COLEC12: variants seen among roughly 807,000 people sequenced by gnomAD.
COLEC12 encodes the protein collectin-12.
In COLEC12, 33 loss-of-function variants were observed where a neutral mutation model predicts 71.1. The observed-to-expected ratio is 0.46, with a 90% CI of 0.35 to 0.62. The LOEUF (loss-of-function observed/expected upper bound fraction) is 0.62. COLEC12 is among the 20% of genes least tolerant of loss of function. The pLI is 0.00. For synonymous variants in COLEC12, 350 were observed against 353.0 expected (o/e 0.99, Z 0.10); for missense variants, 765 against 916.1 (o/e 0.84, Z 2.13).
At chr18:454,131 G>A (rs940295821) in intron 2 of COLEC12, among the ~76,000 whole-genome samples, 14 of 149,832 alleles carry the variant, frequency 9.3e-5, no homozygotes, top group African/African-American at 3.5e-4. Context: ...CTCCCCATGG[G>A]CCCCCTGGTC....
At chr18:474,873 G>C (rs1224680159) in intron 2 of COLEC12, among the ~76,000 whole-genome samples, 2 of 152,050 alleles carry the variant, frequency 1.3e-5, no homozygotes, top group Admixed American at 6.5e-5. Context: ...AGGAGTTCAA[G>C]ACCAGCCTGG....
At chr18:343,036 C>G (rs1480864836) in intron 5 of COLEC12, among the ~76,000 whole-genome samples, 4 of 152,192 alleles carry the variant, frequency 2.6e-5, no homozygotes, top group Non-Finnish European at 5.9e-5. Context: ...CATCCTGTTC[C>G]TCTCTTTCAC....
intron 2 of COLEC12, among the ~76,000 whole-genome samples, chr18:430,226 C>T (rs540071389): frequency 2.0e-5 from 3 of 151,622 alleles, no homozygotes; most frequent in African/African-American, 7.3e-5. Context: ...CCCAGCTACT[C>T]GGGAGGCTGA....
intron 2 of COLEC12, among the ~76,000 whole-genome samples, chr18:391,402 A>G (rs55711819): frequency 2.0e-5 from 3 of 152,122 alleles, no homozygotes; most frequent in African/African-American, 4.8e-5. Flanking sequence ...TAATTGCATC[A>G]AAGTGTCTCA....
chr18:377,825 A>T (rs917797853), intron 2 of COLEC12, among the ~76,000 whole-genome samples: 1 of 151,230 alleles, frequency 6.6e-6, no homozygotes, highest in Non-Finnish European at 1.5e-5. Flanking sequence ...GGACACCACC[A>T]GCTGGGTGCT....
intron 3 of COLEC12, among the ~76,000 whole-genome samples, chr18:355,566 C>T (rs1355360643): frequency 6.6e-6 from 1 of 152,160 alleles, no homozygotes; most frequent in Non-Finnish European, 1.5e-5. Flanking sequence ...GCATAAATGT[C>T]CCAGACTTTA....
Position 472,742 on chromosome 18 carries a change from G to A in COLEC12, c.58+7965C>T, listed in dbSNP as rs780977833. ...GAAAACAACAGAAGAAAAGAAAATA[G>A]ACTCCTTTGGAATTCCCTGAACAAA... On this transcript the variant is annotated intron_variant, in intron 2 of 9. Transcript: ENST00000400256. Among the ~76,000 whole-genome samples, 47 of 141,330 alleles carry A rather than the reference G, an allele frequency of 3.3e-4. 1 individual carries two copies. Among genetic ancestry groups the A allele is most frequent in the Non-Finnish European group, 6.5e-4 (42 of 64,762 alleles). The allele number at this position is 141,330 out of a possible 152,430, so 92.7% of individuals were successfully genotyped here. A position where few individuals can be genotyped will look rare whatever the true frequency, so the allele number is the denominator to read the frequency against.
intron 2 of COLEC12, among the ~76,000 whole-genome samples, chr18:479,587 C>A (rs372098052): frequency 6.6e-6 from 1 of 152,190 alleles, no homozygotes; most frequent in East Asian, 1.9e-4. Context: ...CACTCACTCA[C>A]ACACACTCTT....
rs1914094979 is a variant in COLEC12, at chr18:335,346, C to T, written c.1328-116G>A. 1.4e-5 allele frequency: 16 copies of T among 1,127,048 alleles called. 1 individual carries two copies. The highest frequency in any genetic ancestry group is 2.5e-4 in the Middle Eastern group (1 of 3,922). 69.8% of individuals were successfully genotyped at this position (1,127,048 alleles called of 1,614,324 possible). ...AAAAACCTAGCATACAAAGTATATA[C>T]AGCAGGGAAAGACCATCTGTTTATC... On this transcript the variant is annotated intron_variant, in intron 5 of 9. Transcript: ENST00000400256.
chr18:444,171 G>T (rs1191053576), intron 2 of COLEC12, among the ~76,000 whole-genome samples: 2 of 152,076 alleles, frequency 1.3e-5, no homozygotes, highest in African/African-American at 4.8e-5. Context: ...AACCTCATCA[G>T]AAACAAGTAT....
chr18:413,027 T>TA (rs1313141269), intron 2 of COLEC12, among the ~76,000 whole-genome samples: 1 of 152,214 alleles, frequency 6.6e-6, no homozygotes, highest in Non-Finnish European at 1.5e-5. Flanking sequence ...ATTAAAAACA[T>TA]ATGACTCAAT....
intron 2 of COLEC12, among the ~76,000 whole-genome samples, chr18:452,064 A>T (rs1374342498): frequency 6.6e-6 from 1 of 152,228 alleles, no homozygotes; most frequent in Non-Finnish European, 1.5e-5. Flanking sequence ...CTTGCTCGAG[A>T]AAAAGAATAG....
chr18:480,221 G>T lies in COLEC12; in HGVS notation c.58+486C>A, dbSNP rs2143770790. On this transcript the variant is annotated intron_variant, in intron 2 of 9. Coordinates refer to ENST00000400256, the MANE Select transcript of COLEC12 (RefSeq NM_130386.3). The surrounding 1 kb of genome is among the most constrained non-coding windows in gnomAD (Gnocchi z 4.1). ...GTAACATTCAGGTTTCAGGATTCAG[G>T]GTGCTGTCACCTTTGGGGGCCATTC... Among the ~76,000 whole-genome samples the T allele has an allele frequency of 6.6e-6, 1 of 152,244 alleles. No individual in the cohort carries two copies. Among genetic ancestry groups the T allele is most frequent in the African/African-American group, 2.4e-5 (1 of 41,536 alleles).
chr18:456,398 T>G (rs1486492019), intron 2 of COLEC12, among the ~76,000 whole-genome samples: 1 of 152,126 alleles, frequency 6.6e-6, no homozygotes. Context: ...GTGAGCAACT[T>G]GTACTCATAA....
intron 1 of COLEC12, among the ~76,000 whole-genome samples, chr18:487,908 A>T (rs1917549688): frequency 6.6e-6 from 1 of 152,226 alleles, no homozygotes; most frequent in Non-Finnish European, 1.5e-5. Context: ...CTCTTAAATA[A>T]GACAGTTGAG....
In COLEC12 at chr18:399,480, C is replaced by G. The variant is rs564102623; in HGVS notation, c.59-41958G>C. Among the ~76,000 whole-genome samples the G allele has an allele frequency of 3.3e-5, 5 of 152,210 alleles. No homozygotes were observed. Among genetic ancestry groups the G allele is most frequent in the Admixed American group, 6.5e-5 (1 of 15,276 alleles). On this transcript the variant is annotated intron_variant, in intron 2 of 9. Coordinates refer to ENST00000400256, the MANE Select transcript of COLEC12 (RefSeq NM_130386.3). The surrounding 1 kb of genome is among the most constrained non-coding windows in gnomAD (Gnocchi z 4.0). The stretch of plus-strand genomic sequence containing the variant: ...CAGGCCACACTCTGCTGTTTCCTAC[C>G]GTGTCATTCACTAATGTATTCATTT...
chr18:414,107 T>C lies in COLEC12; in HGVS notation c.59-56585A>G, dbSNP rs148764282. 4.1e-3 allele frequency among the ~76,000 whole-genome samples: 626 copies of C among 152,282 alleles called. 6 individuals are homozygous for C. Among genetic ancestry groups the C allele is most frequent in the African/African-American group, 0.014 (592 of 41,548 alleles). On this transcript the variant is annotated intron_variant, in intron 2 of 9. Transcript: ENST00000400256. Reference sequence around the variant, plus strand: ...TTCTGGTTGTGATACTGTACTACAGTTTTGTAAGATGTTACCACTGGGAGG... The same window carrying C: ...TTCTGGTTGTGATACTGTACTACAGCTTTGTAAGATGTTACCACTGGGAGG...
chr18:463,914 C>G (rs1273268518), intron 2 of COLEC12, among the ~76,000 whole-genome samples: 1 of 152,200 alleles, frequency 6.6e-6, no homozygotes, highest in African/African-American at 2.4e-5. Context: ...GCCTTGTTTT[C>G]TAGCTCACTA....
rs1386210747 is a variant in COLEC12 at position 318,542 on chromosome 18, G to C, written c.*1503C>G. On this transcript the variant is annotated 3_prime_UTR_variant, in exon 10 of 10. Transcript: ENST00000400256. ...GAGTCTTGCTCTGTCACCGAGGCTG[G>C]AGTGCAGTGGTGCGATCTTGGCTCA... 5 of 144,690 alleles carry C rather than the reference G, an allele frequency of 3.5e-5. No individual in the cohort carries two copies. The highest frequency in any genetic ancestry group is 4.5e-5 in the Non-Finnish European group (3 of 67,116). The allele number at this position is 144,690 out of a possible 1,614,324, so 9.0% of individuals were successfully genotyped here. A position where few individuals can be genotyped will look rare whatever the true frequency, so the allele number is the denominator to read the frequency against.
Sources: allele counts gnomAD v4.1 joint callset (sites outside exome capture counted in the v4.1 genomes callset), GRCh38; gene constraint gnomAD v4.1.1; non-coding constraint Gnocchi (gnomAD v3.1); transcripts MANE v1.5; gene names NCBI Gene and HGNC (gene_info 2026-07-23, HGNC 2026-07-21).